The following ITSN1 variants were observed in gnomAD, a reference collection of about 807,000 sequenced individuals.
The protein encoded by ITSN1 is intersectin 1.
In ITSN1, 58 loss-of-function variants were observed where a neutral mutation model predicts 239.8. The ratio of observed to expected loss-of-function variants is 0.24; its 90% CI spans 0.20 to 0.30. ITSN1 has a LOEUF of 0.30. Ranked by LOEUF, ITSN1 falls within the 10% of genes least tolerant of loss-of-function variation. ITSN1 has a pLI of 1.00. For synonymous variants in ITSN1, 780 were observed against 770.8 expected (o/e 1.01, Z -0.20); for missense variants, 1,558 against 2,103.3 (o/e 0.74, Z 5.07).
intron 34 of ITSN1, among the ~76,000 whole-genome samples, chr21:33,876,123 TTCTTTCTTTCTTTC>T (rs1288218243): frequency 1.1e-3 from 14 of 13,308 alleles, no homozygotes; most frequent in Non-Finnish European, 3.7e-4. Flanking sequence ...CTTTCTTTCT[TTCTTTCTTTCTTTC>T]TTTCTTTCTT....
rs187908449 is a variant in ITSN1, at chr21:33,807,224, T to C, written c.2320-3751T>C. Among the ~76,000 whole-genome samples, 27 of 152,322 alleles carry C rather than the reference T, an allele frequency of 1.8e-4. No individual in the cohort carries two copies. In the East Asian group the frequency reaches 2.5e-3, roughly 14 times the overall value. On this transcript the variant is annotated intron_variant, in intron 20 of 39. Coordinates refer to ENST00000381318, the MANE Select transcript of ITSN1 (RefSeq NM_003024.3). ...TGCTTAAGGGGATAAGAGGCTGATA[T>C]GGCCCCCTCCTTCACTCCTAGGTGT...
Position 33,782,149 on chromosome 21 carries a change from G to A in ITSN1, c.1824+16G>A. ...TCAGCTGAAGGTAACTCTTCTATGT[G>A]TGCCTGCATGTGTGTCCTACCTTTA... On this transcript the variant is annotated intron_variant, in intron 16 of 39. Coordinates refer to ENST00000381318, the MANE Select transcript of ITSN1 (RefSeq NM_003024.3). 1.2e-6 allele frequency: 2 copies of A among 1,610,316 alleles called. No homozygotes were observed. Among genetic ancestry groups the A allele is most frequent in the African/African-American group, 1.3e-5 (1 of 74,848 alleles).
rs974383438 is a variant in ITSN1, at chr21:33,896,114, C to T, written c.*7814C>T. ...AGCTGCGCGGATACACTTTTCTAAA[C>T]GTCTGCATTTATTTCCTAAAAGCAC... On this transcript the variant is annotated 3_prime_UTR_variant, in exon 40 of 40. Coordinates refer to ENST00000381318, the MANE Select transcript of ITSN1 (RefSeq NM_003024.3). 2.0e-5 allele frequency: 3 copies of T among 152,330 alleles called. No individual in the cohort carries two copies. The highest frequency in any genetic ancestry group is 1.9e-4 in the East Asian group (1 of 5,210). The allele number at this position is 152,330 out of a possible 1,614,324, so 9.4% of individuals were successfully genotyped here.
intron 29 of ITSN1, among the ~76,000 whole-genome samples, chr21:33,841,334 A>G (rs1476714544): frequency 6.6e-6 from 1 of 152,210 alleles, no homozygotes; most frequent in South Asian, 2.1e-4. Flanking sequence ...TAAAAACAGC[A>G]ATCTATAATT....
chr21:33,667,225 G>A (rs1281946777), intron 1 of ITSN1, among the ~76,000 whole-genome samples: 1 of 151,052 alleles, frequency 6.6e-6, no homozygotes, highest in Non-Finnish European at 1.5e-5. Flanking sequence ...CTCTTTGTTG[G>A]CTAATGGTCT....
At chr21:33,725,377 A>G (rs1208644750) in intron 4 of ITSN1, among the ~76,000 whole-genome samples, 2 of 151,038 alleles carry the variant, frequency 1.3e-5, no homozygotes, top group Non-Finnish European at 3.0e-5. Context: ...CTTGTGATCC[A>G]CCTGCCTCGA....
intron 29 of ITSN1, chr21:33,837,876 A>G: frequency 1.0e-6 from 1 of 985,882 alleles, no homozygotes; most frequent in Non-Finnish European, 1.2e-6. Context: ...AGTAGACAAC[A>G]CCACTGAGGT....
chr21:33,887,230 G>A (rs139626995), intron 39 of ITSN1, among the ~76,000 whole-genome samples: 5,546 of 151,752 alleles, frequency 0.037, 332 homozygotes, highest in African/African-American at 0.13. Context: ...GAGGCAGGAG[G>A]ATTGCTTGAG....
At chr21:33,827,708 CAT>C (rs564974865) in intron 26 of ITSN1, among the ~76,000 whole-genome samples, 381 of 152,330 alleles carry the variant, frequency 2.5e-3, no homozygotes, top group Non-Finnish European at 3.8e-3. Flanking sequence ...AGTAAAATCA[CAT>C]GTGCTATAAA....
In ITSN1 at chr21:33,767,682, A is replaced by T. The variant is rs751711922; in HGVS notation, c.927-31A>T. On this transcript the variant is annotated intron_variant, in intron 10 of 39. Coordinates refer to ENST00000381318, the MANE Select transcript of ITSN1 (RefSeq NM_003024.3). ...AACTCCACCCAGACAGCTCTGTGTG[A>T]ATCTATTTTTCTTTTTCCCCGCAAT... is the stretch of plus-strand genomic sequence containing the variant. 5 of 1,291,806 alleles carry T rather than the reference A, an allele frequency of 3.9e-6. No homozygotes were observed. The Admixed American group carries it at 7.1e-5, about 18-fold the overall frequency. The allele number at this position is 1,291,806 out of a possible 1,614,324, so 80.0% of individuals were successfully genotyped here.
At chr21:33,784,365 TG>T (rs1330608573) in intron 16 of ITSN1, among the ~76,000 whole-genome samples, 1 of 129,912 alleles carries the variant, frequency 7.7e-6, no homozygotes, top group Non-Finnish European at 1.7e-5. Flanking sequence ...TAGTCAGGTA[TG>T]GTGGCATGTG....
chr21:33,796,848 A>G (rs929886365), intron 17 of ITSN1, among the ~76,000 whole-genome samples: 1 of 152,232 alleles, frequency 6.6e-6, no homozygotes, highest in Non-Finnish European at 1.5e-5. Flanking sequence ...TGTGGGTTTC[A>G]GGTTGAGGCC....
At chr21:33,796,320 C>T (rs1469591192) in intron 17 of ITSN1, among the ~76,000 whole-genome samples, 1 of 151,756 alleles carries the variant, frequency 6.6e-6, no homozygotes, top group East Asian at 1.9e-4. Context: ...ATATCCTTAC[C>T]CCTCCAAAAA....
intron 2 of ITSN1, among the ~76,000 whole-genome samples, chr21:33,720,969 TTC>T (rs896285782): frequency 6.6e-6 from 1 of 152,234 alleles, no homozygotes; most frequent in African/African-American, 2.4e-5. Flanking sequence ...TTCCCTCCCA[TTC>T]TCTCTCTTTC....
intron 1 of ITSN1, among the ~76,000 whole-genome samples, chr21:33,656,840 A>G (rs1210757863): frequency 6.6e-6 from 1 of 152,138 alleles, no homozygotes; most frequent in African/African-American, 2.4e-5. Context: ...CTTCCCAAGT[A>G]GATGGGATTA....
intron 29 of ITSN1, among the ~76,000 whole-genome samples, chr21:33,851,212 G>C (rs80095444): frequency 0.017 from 2,628 of 152,114 alleles, 68 homozygotes; most frequent in African/African-American, 0.06. Flanking sequence ...CCTGGCACCT[G>C]GGTGAAGGCT....
intron 1 of ITSN1, among the ~76,000 whole-genome samples, chr21:33,717,878 T>G (rs2147054716): frequency 6.6e-6 from 1 of 152,290 alleles, no homozygotes. Flanking sequence ...TAAATCTGGA[T>G]TTTTGTTTTT....
intron 31 of ITSN1, among the ~76,000 whole-genome samples, chr21:33,860,357 A>G (rs1980268730): frequency 6.6e-6 from 1 of 152,024 alleles, no homozygotes; most frequent in Non-Finnish European, 1.5e-5. Flanking sequence ...CCTGTAAGTT[A>G]AAACCTTTTT....
At position 33,750,323 on chromosome 21, in the gene ITSN1, G is replaced by C. The variant is rs780652726; in HGVS notation, c.526+1G>C. ...CCTCTGCCTGCATTTGCTCATCCTGGTATGTGACTTGCTGAAACCATAGGC... is the reference window on the plus strand; with the variant it reads ...CCTCTGCCTGCATTTGCTCATCCTGCTATGTGACTTGCTGAAACCATAGGC... On this transcript the variant is annotated splice_donor_variant, in intron 6 of 39. Transcript: ENST00000381318. LOFTEE classifies it high-confidence loss of function. 1.2e-6 allele frequency: 2 copies of C among 1,612,490 alleles called. No homozygotes were observed. Among genetic ancestry groups the C allele is most frequent in the Non-Finnish European group, 1.7e-6 (2 of 1,179,808 alleles).
Sources: allele counts gnomAD v4.1 joint callset (sites outside exome capture counted in the v4.1 genomes callset), GRCh38; gene constraint gnomAD v4.1.1; transcripts MANE v1.5; gene names NCBI Gene and HGNC (gene_info 2026-07-23, HGNC 2026-07-21).